Variants in SNTG2 observed in about 807,000 individuals in gnomAD.
The protein encoded by SNTG2 is syntrophin gamma 2.
SNTG2 carries 74 observed loss-of-function variants against 70.9 expected under a neutral mutation model. The ratio of observed to expected loss-of-function variants is 1.04; its 90% CI spans 0.86 to 1.27. The LOEUF is 1.27. Ranked by LOEUF, SNTG2 falls within the 50% of genes most tolerant of loss-of-function variation. SNTG2 has a pLI of 0.00. For synonymous variants in SNTG2, 278 were observed against 273.8 expected, an observed-to-expected ratio of 1.02 and a Z score of -0.15; for missense variants, 717 against 690.7, an observed-to-expected ratio of 1.04 and a Z score of -0.43.
intron 1 of SNTG2, among the ~76,000 whole-genome samples, chr2:1,048,451 T>C (rs754628666): frequency 1.3e-5 from 2 of 151,932 alleles, no homozygotes; most frequent in African/African-American, 4.9e-5. Flanking sequence ...TAGATAGATA[T>C]CTATATATAT....
chr2:1,205,132 T>C (rs1486651716), intron 8 of SNTG2, among the ~76,000 whole-genome samples: 10 of 152,202 alleles, frequency 6.6e-5, no homozygotes, highest in African/African-American at 2.4e-4. Flanking sequence ...TCAGAGAACG[T>C]AGACTTAAGA....
chr2:1,195,713 G>A (rs1672867576), intron 8 of SNTG2, among the ~76,000 whole-genome samples: 2 of 152,268 alleles, frequency 1.3e-5, no homozygotes, highest in African/African-American at 4.8e-5. Flanking sequence ...CTGTGCAGAA[G>A]CTCTTTAGTT....
intron 1 of SNTG2, among the ~76,000 whole-genome samples, chr2:956,759 A>T (rs547961904): frequency 6.6e-6 from 1 of 152,394 alleles, no homozygotes; most frequent in South Asian, 2.1e-4. Context: ...AGTTGAGCCA[A>T]TAAGTATATA....
intron 16 of SNTG2, among the ~76,000 whole-genome samples, chr2:1,359,231 C>T (rs1315162311): frequency 4.6e-5 from 7 of 151,962 alleles, no homozygotes; most frequent in South Asian, 2.1e-4. Context: ...TTGTGTTCAC[C>T]GAACTATCAG....
chr2:1,124,202 C>T (rs1667554428), intron 4 of SNTG2, among the ~76,000 whole-genome samples: 1 of 152,058 alleles, frequency 6.6e-6, no homozygotes, highest in South Asian at 2.1e-4. Context: ...ATATTGCATT[C>T]ATAAATCATA....
At chr2:963,954 C>G (rs1660442311) in intron 1 of SNTG2, among the ~76,000 whole-genome samples, 1 of 151,950 alleles carries the variant, frequency 6.6e-6, no homozygotes, top group African/African-American at 2.4e-5. Flanking sequence ...CCAAAGTGAC[C>G]GTGTCTCTCA....
intron 9 of SNTG2, among the ~76,000 whole-genome samples, chr2:1,225,803 C>G (rs889823841): frequency 5.9e-5 from 9 of 152,186 alleles, no homozygotes; most frequent in African/African-American, 1.9e-4. Flanking sequence ...GATGATTCGT[C>G]CTGCTCTTGA....
At chr2:1,130,402 A>C (rs1208003511) in intron 4 of SNTG2, among the ~76,000 whole-genome samples, 1 of 152,240 alleles carries the variant, frequency 6.6e-6, no homozygotes, top group Non-Finnish European at 1.5e-5. Flanking sequence ...TTCCTTTCAG[A>C]TTAATGATAT....
intron 4 of SNTG2, among the ~76,000 whole-genome samples, chr2:1,119,879 T>G (rs939801563): frequency 2.0e-5 from 3 of 152,158 alleles, no homozygotes; most frequent in African/African-American, 7.2e-5. Context: ...GTCATTCCTT[T>G]TCTATCAATA....
At position 977,050 on chromosome 2, in the gene SNTG2, C is replaced by T. The variant is rs544449258; in HGVS notation, c.72+25982C>T. On this transcript the variant is annotated intron_variant, in intron 1 of 16. Coordinates refer to ENST00000308624, the MANE Select transcript of SNTG2 (RefSeq NM_018968.4). ...CCATCGTATATGCCTGCTCTCTGCA[C>T]GGCCTTCCTAGCTTCCTCCTGCCAC... 8.5e-5 allele frequency among the ~76,000 whole-genome samples: 13 copies of T among 152,270 alleles called. No homozygotes were observed. The East Asian group carries it at 1.4e-3, about 16-fold the overall frequency.
chr2:953,431 A>G (rs1572157200), intron 1 of SNTG2, among the ~76,000 whole-genome samples: 1 of 152,260 alleles, frequency 6.6e-6, no homozygotes. Context: ...GAGCTTGCCC[A>G]CTGAAGGGGG....
At chr2:962,432 G>A (rs114311865) in intron 1 of SNTG2, among the ~76,000 whole-genome samples, 4,980 of 152,226 alleles carry the variant, frequency 0.033, 111 homozygotes, top group Non-Finnish European at 0.044. Context: ...TTCTGGATCT[G>A]GATCTGCCTT....
intron 4 of SNTG2, among the ~76,000 whole-genome samples, chr2:1,104,489 T>G (rs56930034): frequency 0.012 from 1,890 of 152,372 alleles, 34 homozygotes; most frequent in African/African-American, 0.042. Context: ...TTTCTTTTTA[T>G]AGTTGAACTT....
chr2:1,222,145 GTCTCTGCCTA>G (rs1675257624), intron 9 of SNTG2, among the ~76,000 whole-genome samples: 1 of 141,836 alleles, frequency 7.1e-6, no homozygotes, highest in Non-Finnish European at 1.5e-5. Context: ...GTCTCTCTCT[GTCTCTGCCTA>G]TCTCTGTCTT....
At chr2:983,820 G>A (rs1265071800) in intron 1 of SNTG2, among the ~76,000 whole-genome samples, 1 of 152,204 alleles carries the variant, frequency 6.6e-6, no homozygotes. Flanking sequence ...CCACCATGGA[G>A]CCTGGAGAAT....
intron 2 of SNTG2, among the ~76,000 whole-genome samples, chr2:1,089,616 CAG>C (rs201340131): frequency 1.5e-5 from 2 of 129,086 alleles, no homozygotes; most frequent in Non-Finnish European, 3.3e-5. Flanking sequence ...ACCTGGGTGA[CAG>C]AGCGAAACTC....
At chr2:1,316,432 A>C in intron 16 of SNTG2, 57 bp downstream of exon 16, 11 of 879,158 alleles carry the variant, frequency 1.3e-5, no homozygotes, top group Non-Finnish European at 1.9e-5. Context: ...AGTACAGCTC[A>C]GAGGGTCCGC....
chr2:965,835 G>A (rs909666602), intron 1 of SNTG2, among the ~76,000 whole-genome samples: 2 of 152,076 alleles, frequency 1.3e-5, no homozygotes, highest in African/African-American at 4.8e-5. Flanking sequence ...CCTGCACATG[G>A]CTCTCCACCC....
At chr2:1,186,837 T>A (rs1203483910) in intron 8 of SNTG2, among the ~76,000 whole-genome samples, 1 of 152,146 alleles carries the variant, frequency 6.6e-6, no homozygotes, top group Non-Finnish European at 1.5e-5. Context: ...TATTAAACAT[T>A]AAAGAAATAA....
Sources: allele counts gnomAD v4.1 joint callset (sites outside exome capture counted in the v4.1 genomes callset), GRCh38; gene constraint gnomAD v4.1.1; transcripts MANE v1.5; gene names NCBI Gene and HGNC (gene_info 2026-07-23, HGNC 2026-07-21).